Variants in TAFA2 observed in about 807,000 individuals in gnomAD.
TAFA2 encodes the protein chemokine-like protein TAFA-2.
Under a neutral mutation model 18.8 loss-of-function variants are expected in TAFA2, and 7 were observed. The observed-to-expected ratio is 0.37, with a 90% CI of 0.21 to 0.70. TAFA2 has a LOEUF of 0.70. Ranked by LOEUF, TAFA2 falls within the 30% of genes least tolerant of loss-of-function variation. The probability of loss-of-function intolerance (pLI) is 0.53; values close to 1 mark genes in which losing one functional copy is unlikely to be tolerated. For missense variants in TAFA2, 122 were observed against 158.1 expected, an observed-to-expected ratio of 0.77 and a Z score of 1.23; for synonymous variants, 60 against 54.2, an observed-to-expected ratio of 1.11 and a Z score of -0.47.
chr12:61,973,650 C>T (rs7975913), intron 1 of TAFA2, among the ~76,000 whole-genome samples: 25,086 of 151,422 alleles, frequency 0.17, 2,745 homozygotes, highest in African/African-American at 0.29. Context: ...CAGGTGAGTC[C>T]AATGTCCATA....
intron 1 of TAFA2, among the ~76,000 whole-genome samples, chr12:61,902,835 C>T (rs963835965): frequency 1.4e-4 from 21 of 152,078 alleles, no homozygotes; most frequent in Non-Finnish European, 7.4e-5. Flanking sequence ...GATGCATTTT[C>T]ATCCTTCTAC....
chr12:61,885,475 C>T (rs911518577), intron 1 of TAFA2, among the ~76,000 whole-genome samples: 5 of 152,188 alleles, frequency 3.3e-5, no homozygotes, highest in Admixed American at 6.5e-5. Flanking sequence ...ACACCATCTG[C>T]TGACACCACA....
At chr12:62,003,806 C>T (rs560600692) in intron 1 of TAFA2, among the ~76,000 whole-genome samples, 2 of 152,292 alleles carry the variant, frequency 1.3e-5, no homozygotes, top group South Asian at 4.1e-4. Flanking sequence ...AATATGTTTA[C>T]ATAATTTAAA....
chr12:61,838,307 A>G (rs1375339501), intron 2 of TAFA2, among the ~76,000 whole-genome samples: 6 of 152,002 alleles, frequency 3.9e-5, no homozygotes, highest in African/African-American at 1.4e-4. Flanking sequence ...CCCTTAATAC[A>G]GTTATGTGAA....
chr12:61,971,933 G>A (rs1359919116), intron 1 of TAFA2, among the ~76,000 whole-genome samples: 1 of 151,614 alleles, frequency 6.6e-6, no homozygotes, highest in Non-Finnish European at 1.5e-5. Flanking sequence ...ACAGACCAAT[G>A]GAACAGAATT....
At chr12:62,024,543 T>C (rs369685275) in intron 1 of TAFA2, among the ~76,000 whole-genome samples, 1 of 152,236 alleles carries the variant, frequency 6.6e-6, no homozygotes, top group East Asian at 1.9e-4. Flanking sequence ...AATTTGGACA[T>C]TGGCCTTGGG....
At chr12:61,955,291 G>A (rs1878611062) in intron 1 of TAFA2, among the ~76,000 whole-genome samples, 3 of 151,898 alleles carry the variant, frequency 2.0e-5, no homozygotes, top group Non-Finnish European at 4.4e-5. Flanking sequence ...CAGAATAGGT[G>A]CTAGAAAAAT....
intron 1 of TAFA2, among the ~76,000 whole-genome samples, chr12:62,201,149 T>C (rs945787514): frequency 2.0e-5 from 3 of 152,204 alleles, no homozygotes; most frequent in African/African-American, 4.8e-5. Flanking sequence ...GCTGAGATGA[T>C]GGGGTTTTCT....
chr12:62,242,323 TAAAAA>T (rs963856095), intron 1 of TAFA2: 4 of 151,792 alleles, frequency 2.6e-5, no homozygotes. Context: ...ATTATCAACT[TAAAAA>T]AAGAAAAAAG....
intron 2 of TAFA2, among the ~76,000 whole-genome samples, chr12:61,854,326 A>G (rs868492573): frequency 1.2e-4 from 18 of 152,202 alleles, no homozygotes; most frequent in African/African-American, 4.3e-4. Context: ...TATAGCAGAA[A>G]GATACAGATG....
At chr12:62,169,273 C>G (rs1490647627) in intron 1 of TAFA2, among the ~76,000 whole-genome samples, 1 of 152,042 alleles carries the variant, frequency 6.6e-6, no homozygotes, top group Non-Finnish European at 1.5e-5. Context: ...TGGCCAATAC[C>G]ACACATCTAG....
intron 1 of TAFA2, among the ~76,000 whole-genome samples, chr12:62,101,968 C>T (rs1453032517): frequency 6.6e-6 from 1 of 151,566 alleles, no homozygotes; most frequent in African/African-American, 2.4e-5. Flanking sequence ...GTGGGTGGGA[C>T]AGGAGGTTGG....
chr12:62,121,090 G>A (rs1383410310), intron 1 of TAFA2, among the ~76,000 whole-genome samples: 2 of 151,998 alleles, frequency 1.3e-5, no homozygotes, highest in Non-Finnish European at 2.9e-5. Flanking sequence ...CTGACCTCCG[G>A]TGATCTGGCT....
At chr12:61,765,434 A>G (rs1240936511) in intron 2 of TAFA2, among the ~76,000 whole-genome samples, 1 of 152,140 alleles carries the variant, frequency 6.6e-6, no homozygotes, top group Non-Finnish European at 1.5e-5. Context: ...TATCTGTTAT[A>G]GTAGCAAGCC....
At chr12:61,755,084 T>G (rs1278248361) in intron 2 of TAFA2, 60 bp from the exon 3 acceptor site, 1 of 1,536,468 alleles carries the variant, frequency 6.5e-7, no homozygotes, top group African/African-American at 1.4e-5. Flanking sequence ...CCCCCCACCC[T>G]TCTTTTTAAT....
intron 1 of TAFA2, among the ~76,000 whole-genome samples, chr12:61,992,133 A>G (rs975875987): frequency 1.3e-5 from 2 of 152,152 alleles, no homozygotes; most frequent in South Asian, 2.1e-4. Flanking sequence ...CTTCTCTCAA[A>G]TTTGTATTTG....
chr12:61,859,580 A>C (rs1874038940), intron 2 of TAFA2, among the ~76,000 whole-genome samples: 1 of 152,120 alleles, frequency 6.6e-6, no homozygotes, highest in African/African-American at 2.4e-5. Flanking sequence ...AGTAGCTGGG[A>C]CTACAGGCAT....
In TAFA2 at chr12:61,951,943, C is replaced by G. The variant is rs1036102166; in HGVS notation, c.-1-84517G>C. 7.3e-5 allele frequency among the ~76,000 whole-genome samples: 11 copies of G among 151,616 alleles called. No homozygotes were observed. In the East Asian group the frequency reaches 2.1e-3, roughly 29 times the overall value. On this transcript the variant is annotated intron_variant, in intron 1 of 4. Coordinates refer to ENST00000416284, the MANE Select transcript of TAFA2 (RefSeq NM_178539.5). ...CTAATATACACTTGAGAAGAAAACA[C>G]GAAGCATTTTAAACAATGTAATTAC... is the stretch of plus-strand genomic sequence containing the variant.
chr12:62,171,481 G>C (rs776222281), intron 1 of TAFA2, among the ~76,000 whole-genome samples: 3 of 152,188 alleles, frequency 2.0e-5, no homozygotes, highest in Non-Finnish European at 2.9e-5. Context: ...CGAAATTTAT[G>C]TGTTGGGGTC....
Sources: gnomAD v4.1 joint callset for allele counts (sites outside exome capture counted in the v4.1 genomes callset) on GRCh38, gnomAD v4.1.1 for gene constraint, MANE v1.5 for transcripts, NCBI Gene and HGNC (gene_info 2026-07-23, HGNC 2026-07-21) for gene names.